The following CERS4 variants were observed in gnomAD, a reference collection of about 807,000 sequenced individuals.
The protein encoded by CERS4 is LAG1 homolog, ceramide synthase 4.
Under a neutral mutation model 51.8 loss-of-function variants are expected in CERS4, and 65 were observed. The ratio of observed to expected loss-of-function variants is 1.26; its 90% CI spans 1.03 to 1.54. The LOEUF is 1.54. Among genes scored for constraint, CERS4 ranks in the 40% most tolerant of loss-of-function variants. The probability of loss-of-function intolerance (pLI) is 0.00; values close to 1 mark genes in which losing one functional copy is unlikely to be tolerated. For missense variants in CERS4, 563 were observed against 500.4 expected (o/e 1.13, Z -1.19); for synonymous variants, 228 against 208.4 (o/e 1.09, Z -0.81).
intron 8 of CERS4, 42 bp downstream of exon 8, chr19:8,256,752 G>A (rs776479578): frequency 1.7e-5 from 27 of 1,596,268 alleles, no homozygotes; most frequent in Middle Eastern, 1.7e-4. Context: ...TCTCTGGCCG[G>A]GATGCTGGGG....
chr19:8,254,606 G>T lies in CERS4; in HGVS notation c.281G>T (p.Arg94Met). Residue 94 changes from arginine (R) to methionine (M), a missense_variant, in exon 4 of 12, where the codon AGG becomes ATG. Physicochemically the swap from Arg to Met is moderately conservative, Grantham distance 91 (BLOSUM62 -1). Coordinates refer to ENST00000251363, the MANE Select transcript of CERS4 (RefSeq NM_024552.3). Reference sequence around the variant, plus strand: ...AAACACTTCCTCACGGAAGGGCACAGGCCCAAGGAGGTGAGAGCCCCCCAT... The same window carrying T: ...AAACACTTCCTCACGGAAGGGCACATGCCCAAGGAGGTGAGAGCCCCCCAT... ...LEKHFLTEGH[R>M]PKEPQLSLLA... The T allele has an allele frequency of 6.2e-7, 1 of 1,607,762 alleles. No individual in the cohort carries two copies. Among genetic ancestry groups the T allele is most frequent in the East Asian group, 2.2e-5 (1 of 44,620 alleles).
intron 2 of CERS4, among the ~76,000 whole-genome samples, chr19:8,247,566 C>T (rs924304930): frequency 1.3e-5 from 2 of 152,020 alleles, no homozygotes; most frequent in African/African-American, 2.4e-5. Flanking sequence ...ACTACAGATA[C>T]GTGCCAGCAC....
Position 8,210,875 on chromosome 19 carries a change from TGGGGTGTGG to T in CERS4, c.-2+20_-2+28del, listed in dbSNP as rs1354824151. On this transcript the variant is annotated intron_variant, in intron 2 of 11. Transcript: ENST00000251363. This position sits in a 1 kb window ranked among gnomAD's most constrained non-coding sequence, Gnocchi z 4.2. ...ACTGCCAGCAGAGGTACTTTGAGCCTGGGGTGTGGGGGGTGGGGGGCGGCCTTGGTCGTT... is the reference window on the plus strand; with the variant it reads ...ACTGCCAGCAGAGGTACTTTGAGCCTGGGGTGGGGGGCGGCCTTGGTCGTT... 3 of 148,914 alleles carry T rather than the reference TGGGGTGTGG, an allele frequency of 2.0e-5. No individual in the cohort carries two copies. Among genetic ancestry groups the T allele is most frequent in the Non-Finnish European group, 4.5e-5 (3 of 66,728 alleles). The allele number at this position is 148,914 out of a possible 1,614,324, so 9.2% of individuals were successfully genotyped here. A position where few individuals can be genotyped will look rare whatever the true frequency, so the allele number is the denominator to read the frequency against.
intron 2 of CERS4, among the ~76,000 whole-genome samples, chr19:8,248,942 GATGGATA>G (rs1348110212): frequency 6.6e-6 from 1 of 151,232 alleles, no homozygotes; most frequent in Non-Finnish European, 1.5e-5. Context: ...ATAGGTGGAT[GATGGATA>G]ATGGGTGGAT....
intron 4 of CERS4, among the ~76,000 whole-genome samples, chr19:8,255,351 C>T (rs544978717): frequency 4.0e-4 from 61 of 152,198 alleles, no homozygotes; most frequent in Admixed American, 7.2e-4. Context: ...GGATGCTGCA[C>T]GCCAGCATCT....
intron 2 of CERS4, among the ~76,000 whole-genome samples, chr19:8,218,353 C>A (rs1967390974): frequency 6.6e-6 from 1 of 152,182 alleles, no homozygotes; most frequent in Non-Finnish European, 1.5e-5. Context: ...TTTAACCATG[C>A]CAGGCATCAG....
intron 2 of CERS4, among the ~76,000 whole-genome samples, chr19:8,237,089 TTC>T (rs1968301736): frequency 6.6e-6 from 1 of 151,316 alleles, no homozygotes; most frequent in African/African-American, 2.4e-5. Flanking sequence ...TTGCTGTTAG[TTC>T]TCTCACAGTT....
chr19:8,222,975 G>A (rs984629283), intron 2 of CERS4, among the ~76,000 whole-genome samples: 6 of 152,146 alleles, frequency 3.9e-5, no homozygotes, highest in African/African-American at 1.4e-4. Flanking sequence ...ACAGTTTCCT[G>A]CTACCCGTTG....
intron 2 of CERS4, among the ~76,000 whole-genome samples, chr19:8,221,888 T>TTG (rs1568501275): frequency 8.6e-6 from 1 of 116,210 alleles, no homozygotes; most frequent in East Asian, 2.5e-4. Flanking sequence ...TTTTTTTTTT[T>TTG]TTTTTTTTTT....
chr19:8,245,838 C>T (rs1968756663), intron 2 of CERS4, among the ~76,000 whole-genome samples: 1 of 142,892 alleles, frequency 7.0e-6, no homozygotes, highest in Admixed American at 7.4e-5. Context: ...CCATGCCCGG[C>T]CTATTTTTAT....
intron 2 of CERS4, among the ~76,000 whole-genome samples, chr19:8,235,053 G>GT (rs1968184811): frequency 7.4e-6 from 1 of 135,060 alleles, no homozygotes; most frequent in African/African-American, 2.8e-5. Context: ...TTGTTGCCCA[G>GT]ACTGGAGTGC....
At chr19:8,253,449 CTTTTTTTTTT>C (rs35212733) in intron 3 of CERS4, among the ~76,000 whole-genome samples, 2 of 74,060 alleles carry the variant, frequency 2.7e-5, no homozygotes, top group Non-Finnish European at 5.6e-5. Context: ...GTCCAGCTGC[CTTTTTTTTTT>C]TTTTTTTTTT....
At position 8,262,211 on chromosome 19, in the gene CERS4, A is replaced by G; in HGVS notation, c.*102A>G. On this transcript the variant is annotated 3_prime_UTR_variant, in exon 12 of 12. Transcript: ENST00000251363. ...CTGGGCCACCTTTCTGGAGACAGGGAGGGCCCCACCCGGGGTGGGTGGGAA... is the reference window on the plus strand; with the variant it reads ...CTGGGCCACCTTTCTGGAGACAGGGGGGGCCCCACCCGGGGTGGGTGGGAA... 2 of 1,286,622 alleles carry G rather than the reference A, an allele frequency of 1.6e-6. No individual in the cohort carries two copies. The highest frequency in any genetic ancestry group is 2.0e-6 in the Non-Finnish European group (2 of 992,410). The allele number at this position is 1,286,622 out of a possible 1,614,324, so 79.7% of individuals were successfully genotyped here.
In CERS4 at chr19:8,252,911, TCA is replaced by T. The variant is rs1459329323; in HGVS notation, c.174-1585_174-1584del. On this transcript the variant is annotated intron_variant, in intron 3 of 11. Coordinates refer to ENST00000251363, the MANE Select transcript of CERS4 (RefSeq NM_024552.3). ...TTCAAATTTCAGGTCTTTCACCTGC[TCA>T]CAGTGTCACCTTGGGCATGTCTCTG... Among the ~76,000 whole-genome samples the T allele has an allele frequency of 2.0e-5, 3 of 152,292 alleles. No individual in the cohort carries two copies. The East Asian group carries it at 5.8e-4, about 29-fold the overall frequency.
chr19:8,246,108 A>C (rs990219449), intron 2 of CERS4, among the ~76,000 whole-genome samples: 5 of 150,914 alleles, frequency 3.3e-5, no homozygotes, highest in African/African-American at 1.2e-4. Flanking sequence ...ACAAAAAAAC[A>C]AAAAAACTGG....
chr19:8,255,550 A>T (rs1308490455), intron 4 of CERS4, 57 bp from the exon 5 acceptor site: 1 of 1,472,054 alleles, frequency 6.8e-7, no homozygotes, highest in Non-Finnish European at 9.3e-7. Flanking sequence ...GTCTGGGGAC[A>T]TGGGGGAAGC....
rs1599592096 is a variant in CERS4 at position 8,256,516 on chromosome 19, C to T, written c.520-102C>T. ...GATGGGGAGCTCACTCATTGGGATTCAAGTATCCTGGTTTTGAGCAAACGG... is the reference window on the plus strand; with the variant it reads ...GATGGGGAGCTCACTCATTGGGATTTAAGTATCCTGGTTTTGAGCAAACGG... On this transcript the variant is annotated intron_variant, in intron 7 of 11. Transcript: ENST00000251363. The T allele has an allele frequency of 7.6e-6, 9 of 1,180,950 alleles. No individual in the cohort carries two copies. The East Asian group carries it at 2.1e-4, about 28-fold the overall frequency. The allele number at this position is 1,180,950 out of a possible 1,614,324, so 73.2% of individuals were successfully genotyped here.
At chr19:8,227,609 T>C (rs1967841434) in intron 2 of CERS4, among the ~76,000 whole-genome samples, 1 of 151,926 alleles carries the variant, frequency 6.6e-6, no homozygotes, top group Admixed American at 6.6e-5. Context: ...CCCAAAGTGC[T>C]CGGCTTACAG....
chr19:8,255,945 G>A (rs1969356366), intron 6 of CERS4, 66 bp downstream of exon 6: 5 of 1,542,796 alleles, frequency 3.2e-6, no homozygotes, highest in African/African-American at 1.4e-5. Context: ...TCTGGCAGGA[G>A]TGGGGGTGTG....
Sources: allele counts gnomAD v4.1 joint callset (sites outside exome capture counted in the v4.1 genomes callset), GRCh38; gene constraint gnomAD v4.1.1; non-coding constraint Gnocchi (gnomAD v3.1); transcripts MANE v1.5; gene names NCBI Gene and HGNC (gene_info 2026-07-23, HGNC 2026-07-21).